The following TLK1 variants were observed in gnomAD, a reference collection of about 807,000 sequenced individuals.
The protein encoded by TLK1 is serine/threonine-protein kinase tousled-like 1.
In TLK1, 24 loss-of-function variants were observed where a neutral mutation model predicts 105.3. The observed-to-expected ratio is 0.23, with a 90% CI of 0.17 to 0.32. The LOEUF (loss-of-function observed/expected upper bound fraction) is 0.32, where lower values mean the gene tolerates loss of function less well. TLK1 is among the 10% of genes least tolerant of loss of function. The pLI, the probability that TLK1 is intolerant of heterozygous loss-of-function variation, is 1.00. For missense variants in TLK1, 558 were observed against 910.5 expected, an observed-to-expected ratio of 0.61 and a Z score of 4.98; for synonymous variants, 321 against 310.4, an observed-to-expected ratio of 1.03 and a Z score of -0.36.
chr2:171,061,383 A>C (rs185485933), intron 3 of TLK1, among the ~76,000 whole-genome samples: 1 of 152,360 alleles, frequency 6.6e-6, no homozygotes, highest in East Asian at 1.9e-4. Context: ...TCTGATATTC[A>C]GTTACAGAAT....
chr2:171,061,362 T>G (rs559125647), intron 3 of TLK1, among the ~76,000 whole-genome samples: 1 of 152,332 alleles, frequency 6.6e-6, no homozygotes, highest in African/African-American at 2.4e-5. Context: ...GAGAAGACCT[T>G]GTACATATTA....
intron 11 of TLK1, 75 bp downstream of exon 11, chr2:171,046,098 TA>T: frequency 7.9e-7 from 1 of 1,268,234 alleles, no homozygotes; most frequent in South Asian, 2.1e-5. Context: ...GTATTAATTA[TA>T]AATAACATCC....
chr2:171,147,848 A>G (rs1036811320), intron 1 of TLK1, among the ~76,000 whole-genome samples: 2 of 151,942 alleles, frequency 1.3e-5, no homozygotes, highest in Non-Finnish European at 2.9e-5. Flanking sequence ...ATCAAGCACT[A>G]GATTTGGATT....
intron 16 of TLK1, 78 bp from the exon 17 acceptor site, chr2:171,006,721 T>G (rs1293502141): frequency 6.3e-7 from 1 of 1,594,112 alleles, no homozygotes; most frequent in Non-Finnish European, 8.6e-7. Context: ...ATGGAGAGTA[T>G]TTATATCATC....
intron 2 of TLK1, among the ~76,000 whole-genome samples, chr2:171,096,281 C>T (rs1689448148): frequency 6.6e-6 from 1 of 151,964 alleles, no homozygotes; most frequent in African/African-American, 2.4e-5. Flanking sequence ...GGGAGGAATG[C>T]TTCAGGCCAG....
chr2:171,222,327 T>A (rs865800703), intron 1 of TLK1, among the ~76,000 whole-genome samples: 8 of 152,080 alleles, frequency 5.3e-5, no homozygotes, highest in East Asian at 1.9e-4. Context: ...CCTAATTCTT[T>A]TTTATTTATT....
At chr2:171,168,979 G>A (rs1019617678) in intron 1 of TLK1, among the ~76,000 whole-genome samples, 6 of 152,076 alleles carry the variant, frequency 3.9e-5, no homozygotes, top group Non-Finnish European at 2.9e-5. Flanking sequence ...TTGGGAGGCT[G>A]AGGCAGGAGA....
intron 1 of TLK1, among the ~76,000 whole-genome samples, chr2:171,179,924 T>G (rs1258571725): frequency 6.6e-6 from 1 of 152,010 alleles, no homozygotes; most frequent in East Asian, 1.9e-4. Flanking sequence ...TGAAACCCCA[T>G]TTCTACTAAA....
At chr2:171,082,245 G>C (rs544882037) in intron 3 of TLK1, among the ~76,000 whole-genome samples, 1 of 152,178 alleles carries the variant, frequency 6.6e-6, no homozygotes, top group Admixed American at 6.5e-5. Flanking sequence ...TAAAATCCCA[G>C]ATATTTTCTT....
chr2:171,077,051 T>TA (rs1350160666), intron 3 of TLK1, among the ~76,000 whole-genome samples: 1 of 152,204 alleles, frequency 6.6e-6, no homozygotes, highest in Non-Finnish European at 1.5e-5. Context: ...TCAGGTATTC[T>TA]AAAAAATTTA....
At chr2:171,203,638 T>C (rs1413329459) in intron 1 of TLK1, among the ~76,000 whole-genome samples, 1 of 152,246 alleles carries the variant, frequency 6.6e-6, no homozygotes, top group Non-Finnish European at 1.5e-5. Flanking sequence ...CTGTAAATAA[T>C]GCTGCTAGGA....
At chr2:171,064,946 C>G (rs1460654376) in intron 3 of TLK1, among the ~76,000 whole-genome samples, 1 of 152,174 alleles carries the variant, frequency 6.6e-6, no homozygotes, top group Non-Finnish European at 1.5e-5. Flanking sequence ...TTAACTAATC[C>G]TCCAATTTTA....
At chr2:171,198,082 A>G (rs1034509339) in intron 1 of TLK1, among the ~76,000 whole-genome samples, 2 of 152,158 alleles carry the variant, frequency 1.3e-5, no homozygotes, top group African/African-American at 4.8e-5. Flanking sequence ...AACAACTTGC[A>G]TAGGGGAGAT....
intron 11 of TLK1, among the ~76,000 whole-genome samples, chr2:171,036,403 G>C (rs889448448): frequency 6.6e-6 from 1 of 152,094 alleles, no homozygotes; most frequent in Non-Finnish European, 1.5e-5. Flanking sequence ...CCCAAAAAAA[G>C]CATAATTTCT....
At chr2:171,076,419 T>C (rs982348291) in intron 3 of TLK1, among the ~76,000 whole-genome samples, 1 of 152,074 alleles carries the variant, frequency 6.6e-6, no homozygotes, top group Non-Finnish European at 1.5e-5. Flanking sequence ...CTTGACACCA[T>C]GCTCTTGGAC....
At chr2:171,063,643 G>A (rs998692665) in intron 3 of TLK1, among the ~76,000 whole-genome samples, 43 of 152,112 alleles carry the variant, frequency 2.8e-4, no homozygotes, top group Non-Finnish European at 4.4e-4. Context: ...AAAATAAAAT[G>A]TAAAGTTCAA....
chr2:171,006,068 T>TAA lies in TLK1; in HGVS notation c.1904+77_1904+78dup, dbSNP rs370131370. On this transcript the variant is annotated intron_variant, in intron 18 of 20. Transcript: ENST00000431350. ...AGTAATCTTAATGGCTACATGGAAATAAAAAAAAAAACACTAAATTATTAT... is the reference window on the plus strand; with the variant it reads ...AGTAATCTTAATGGCTACATGGAAATAAAAAAAAAAAAACACTAAATTATTAT... 2.8e-3 allele frequency: 3,031 copies of TAA among 1,086,184 alleles called. 4 individuals carry two copies. Among genetic ancestry groups the TAA allele is most frequent in the African/African-American group, 0.018 (1,102 of 61,840 alleles). The allele number at this position is 1,086,184 out of a possible 1,614,324, so 67.3% of individuals were successfully genotyped here. A position where few individuals can be genotyped will look rare whatever the true frequency, so the allele number is the denominator to read the frequency against.
At chr2:171,207,488 A>G (rs1308151057) in intron 1 of TLK1, among the ~76,000 whole-genome samples, 1 of 152,202 alleles carries the variant, frequency 6.6e-6, no homozygotes. Flanking sequence ...GTACAACACC[A>G]AGAGGGAACC....
chr2:171,034,939 G>A (rs1186502906), intron 11 of TLK1, among the ~76,000 whole-genome samples: 6 of 152,086 alleles, frequency 3.9e-5, no homozygotes, highest in African/African-American at 9.7e-5. Context: ...GAATTCCCAC[G>A]TGTTGTGGGA....
Sources: gnomAD v4.1 joint callset for allele counts (sites outside exome capture counted in the v4.1 genomes callset) on GRCh38, gnomAD v4.1.1 for gene constraint, MANE v1.5 for transcripts, NCBI Gene and HGNC (gene_info 2026-07-23, HGNC 2026-07-21) for gene names.